RAB1A: variants seen among roughly 807,000 people sequenced by gnomAD.
The protein encoded by RAB1A is RAB1A, member RAS oncogene family.
A neutral mutation model predicts 26.0 loss-of-function variants in RAB1A; 2 were observed. That is an observed-to-expected ratio of 0.08 (90% CI 0.03 to 0.24). The LOEUF is 0.24. Ranked by LOEUF, RAB1A falls within the 10% of genes least tolerant of loss-of-function variation. The pLI is 1.00. For synonymous variants in RAB1A, 84 were observed against 84.9 expected, an observed-to-expected ratio of 0.99 and a Z score of 0.06; for missense variants, 100 against 247.0, an observed-to-expected ratio of 0.40 and a Z score of 3.99.
chr2:65,119,839 T>TA (rs1452516175), intron 1 of RAB1A, among the ~76,000 whole-genome samples: 5 of 5,050 alleles, frequency 9.9e-4, no homozygotes, highest in African/African-American at 5.0e-3. Context: ...ATCCTGTCTC[T>TA]ACAAAAAAAA....
chr2:65,106,333 C>G, intron 1 of RAB1A: 1 of 294,802 alleles, frequency 3.4e-6, no homozygotes, highest in South Asian at 2.6e-5. Context: ...CAAAAATATG[C>G]TAAAGTGAAA....
At chr2:65,107,848 G>A (rs1669597465) in intron 1 of RAB1A, among the ~76,000 whole-genome samples, 1 of 152,102 alleles carries the variant, frequency 6.6e-6, no homozygotes, top group Non-Finnish European at 1.5e-5. Context: ...GCTCATGCCT[G>A]AGGTCAGAAG....
chr2:65,123,710 C>T (rs1042568152), intron 1 of RAB1A, among the ~76,000 whole-genome samples: 2 of 151,844 alleles, frequency 1.3e-5, no homozygotes, highest in East Asian at 1.9e-4. Flanking sequence ...CCTGTACTCC[C>T]AGCTACTTGA....
At position 65,088,954 on chromosome 2, in the gene RAB1A, G is replaced by T. The variant is rs753339003; in HGVS notation, c.405C>A (p.Asp135Glu). ...KCDLTTKKVV[D>E]YTTAKEFADS... is the part of the protein sequence containing the mutation. ...TTAAACATACCTTCGCTGTTGTGTAGTCTACTACTTTCTTTGTGGTCAGAT... is the reference window on the plus strand; with the variant it reads ...TTAAACATACCTTCGCTGTTGTGTATTCTACTACTTTCTTTGTGGTCAGAT... Residue 135 changes from aspartate to glutamate, a missense_variant, in exon 5 of 6, where the codon GAC (aspartate) becomes GAA (glutamate). By Grantham distance (45) the Asp-to-Glu change is conservative (BLOSUM62 2). Transcript: ENST00000409784. 13 of 1,605,456 alleles carry T rather than the reference G, an allele frequency of 8.1e-6. No homozygotes were observed. The highest frequency in any genetic ancestry group is 1.1e-5 in the Non-Finnish European group (13 of 1,175,348).
At chr2:65,114,191 C>A (rs749750830) in intron 1 of RAB1A, 5 of 435,512 alleles carry the variant, frequency 1.1e-5, no homozygotes, top group Admixed American at 1.1e-4. Flanking sequence ...AATTTAGATT[C>A]TCAGACAAGG....
chr2:65,125,382 G>A (rs1389138470), intron 1 of RAB1A, among the ~76,000 whole-genome samples: 1 of 148,556 alleles, frequency 6.7e-6, no homozygotes, highest in Admixed American at 6.7e-5. Context: ...TATGAAAAAT[G>A]TTATGAGAAT....
chr2:65,095,110 T>C (rs1019636776), intron 3 of RAB1A, among the ~76,000 whole-genome samples: 1 of 152,060 alleles, frequency 6.6e-6, no homozygotes, highest in African/African-American at 2.4e-5. Context: ...AAAGTGAAAT[T>C]TTTGTCTCAG....
At position 65,112,928 on chromosome 2, in the gene RAB1A, C is replaced by T. The variant is rs149767828; in HGVS notation, c.24-8122G>A. 5.6e-3 allele frequency among the ~76,000 whole-genome samples: 858 copies of T among 152,216 alleles called. 9 individuals carry two copies. The highest frequency in any genetic ancestry group is 0.02 in the African/African-American group (817 of 41,528). Reference sequence around the variant, plus strand: ...TGAAGTTAAATGACTGATGACAGGGCCAGGCACGGCAGCTTGTGCCTATTA... The same window carrying T: ...TGAAGTTAAATGACTGATGACAGGGTCAGGCACGGCAGCTTGTGCCTATTA... On this transcript the variant is annotated intron_variant, in intron 1 of 5. Coordinates refer to ENST00000409784, the MANE Select transcript of RAB1A (RefSeq NM_004161.5).
At chr2:65,119,646 C>A (rs1558587031) in intron 1 of RAB1A, among the ~76,000 whole-genome samples, 1 of 150,268 alleles carries the variant, frequency 6.7e-6, no homozygotes, top group Non-Finnish European at 1.5e-5. Context: ...GCACCCAGAA[C>A]CTGACCAAAT....
At chr2:65,128,672 C>A (rs1302240111) in intron 1 of RAB1A, among the ~76,000 whole-genome samples, 1 of 152,154 alleles carries the variant, frequency 6.6e-6, no homozygotes. Flanking sequence ...GTGGGTGGAC[C>A]TTTTAGGGGA....
At chr2:65,117,929 T>C (rs1023914059) in intron 1 of RAB1A, among the ~76,000 whole-genome samples, 11 of 152,246 alleles carry the variant, frequency 7.2e-5, no homozygotes, top group Non-Finnish European at 1.5e-4. Context: ...GCCTATTTGT[T>C]GTAGTGGGAC....
intron 1 of RAB1A, among the ~76,000 whole-genome samples, chr2:65,113,502 A>AC (rs888328526): frequency 2.7e-4 from 41 of 152,246 alleles, no homozygotes; most frequent in African/African-American, 8.9e-4. Flanking sequence ...CAAGAGTGAG[A>AC]CCCCCATCTC....
intron 3 of RAB1A, among the ~76,000 whole-genome samples, chr2:65,096,689 T>A (rs1669293845): frequency 6.6e-6 from 1 of 152,230 alleles, no homozygotes; most frequent in East Asian, 1.9e-4. Context: ...AACTAAATCC[T>A]TGCAAGTCCT....
At chr2:65,129,290 C>A (rs970675696) in intron 1 of RAB1A, among the ~76,000 whole-genome samples, 2 of 151,740 alleles carry the variant, frequency 1.3e-5, no homozygotes, top group African/African-American at 4.8e-5. Flanking sequence ...CTCCAAGACA[C>A]AACTCAAAAA....
intron 2 of RAB1A, 146 bp downstream of exon 2, chr2:65,104,588 G>A: frequency 3.2e-6 from 2 of 632,266 alleles, no homozygotes; most frequent in Non-Finnish European, 5.5e-6. Context: ...AGATACCACT[G>A]GGGATGTATA....
intron 1 of RAB1A, among the ~76,000 whole-genome samples, chr2:65,108,892 G>C (rs1195511816): frequency 6.6e-6 from 1 of 152,130 alleles, no homozygotes; most frequent in East Asian, 1.9e-4. Context: ...GAAGAATTGA[G>C]TGCTCTGTAT....
At chr2:65,112,516 G>C (rs1669722714) in intron 1 of RAB1A, among the ~76,000 whole-genome samples, 1 of 152,134 alleles carries the variant, frequency 6.6e-6, no homozygotes, top group African/African-American at 2.4e-5. Flanking sequence ...TCACAAATTG[G>C]GCTGGGTTTG....
chr2:65,091,351 C>T (rs1330798330), intron 3 of RAB1A, among the ~76,000 whole-genome samples: 2 of 152,122 alleles, frequency 1.3e-5, no homozygotes, highest in Non-Finnish European at 2.9e-5. Flanking sequence ...TTTCACATTC[C>T]CTACCGCCTT....
chr2:65,111,153 G>C (rs563390822), intron 1 of RAB1A, among the ~76,000 whole-genome samples: 2 of 152,190 alleles, frequency 1.3e-5, no homozygotes, highest in African/African-American at 4.8e-5. Flanking sequence ...CCTGAGCTCA[G>C]GAGCACGAGA....
Sources: allele counts gnomAD v4.1 joint callset (sites outside exome capture counted in the v4.1 genomes callset), GRCh38; gene constraint gnomAD v4.1.1; transcripts MANE v1.5; gene names NCBI Gene and HGNC (gene_info 2026-07-23, HGNC 2026-07-21).